MARK1: variants seen among roughly 807,000 people sequenced by gnomAD.
MARK1 encodes serine/threonine-protein kinase MARK1.
Under a neutral mutation model 96.3 loss-of-function variants are expected in MARK1, and 40 were observed. The ratio of observed to expected loss-of-function variants is 0.42; its 90% CI spans 0.32 to 0.54. The LOEUF is 0.54. Ranked by LOEUF, MARK1 falls within the 20% of genes least tolerant of loss-of-function variation. The pLI is 0.16. For synonymous variants in MARK1, 317 were observed against 341.2 expected (o/e 0.93, Z 0.78); for missense variants, 719 against 984.6 (o/e 0.73, Z 3.61).
Position 220,635,878 on chromosome 1 carries a change from A to T in MARK1, c.1322A>T (p.Gln441Leu), listed in dbSNP as rs1189002164. 4.3e-6 allele frequency: 7 copies of T among 1,612,728 alleles called. No homozygotes were observed. In the East Asian group the frequency reaches 1.3e-4, roughly 31 times the overall value. ...GCTGTATCATATACCAAAAGACCTCAGGCTAACAGTGTGGAAAGTGAACAG... is the reference window on the plus strand; with the variant it reads ...GCTGTATCATATACCAAAAGACCTCTGGCTAACAGTGTGGAAAGTGAACAG... The part of the protein sequence containing the change: ...PPAVSYTKRP[Q>L]ANSVESEQKE... The change falls in exon 13 of 18, where the codon CAG (glutamine) becomes CTG (leucine). Residue 441 changes from glutamine to leucine, a missense_variant. Physicochemically the swap from Gln to Leu is moderately radical, Grantham distance 113. This residue lies in a region of MARK1 where 501 missense variants were observed against 588.3 expected (regional missense o/e 0.85). Transcript: ENST00000366917.
At chr1:220,587,544 A>G (rs1452329563) in intron 3 of MARK1, among the ~76,000 whole-genome samples, 1 of 151,736 alleles carries the variant, frequency 6.6e-6, no homozygotes, top group Non-Finnish European at 1.5e-5. Flanking sequence ...AATTTTTTGT[A>G]TTTTTAGTAG....
At chr1:220,627,227 C>A in intron 9 of MARK1, 1 of 484,904 alleles carries the variant, frequency 2.1e-6, no homozygotes, top group Non-Finnish European at 4.2e-6. Context: ...TCGATCTGTT[C>A]CTCTGACAAA....
At chr1:220,614,510 A>G (rs1666630607) in intron 6 of MARK1, among the ~76,000 whole-genome samples, 1 of 151,882 alleles carries the variant, frequency 6.6e-6, no homozygotes, top group African/African-American at 2.4e-5. Context: ...ACCTTGTATT[A>G]TAGGGGAATA....
In MARK1 at chr1:220,563,686, T is replaced by C. The variant is rs185168530; in HGVS notation, c.52-15668T>C. Among the ~76,000 whole-genome samples, 220 of 152,214 alleles carry C rather than the reference T, an allele frequency of 1.4e-3. 2 individuals carry two copies. Among genetic ancestry groups the C allele is most frequent in the African/African-American group, 5.0e-3 (208 of 41,548 alleles). On this transcript the variant is annotated intron_variant, in intron 1 of 17. Coordinates refer to ENST00000366917, the MANE Select transcript of MARK1 (RefSeq NM_018650.5). Reference sequence around the variant, plus strand: ...TAGCCCTTTGAAGAAGATATTATCATTCATTTTCCTACTTGTGGTAACCTA... The same window carrying C: ...TAGCCCTTTGAAGAAGATATTATCACTCATTTTCCTACTTGTGGTAACCTA...
chr1:220,590,221 A>T (rs1664897327), intron 3 of MARK1, among the ~76,000 whole-genome samples: 1 of 152,164 alleles, frequency 6.6e-6, no homozygotes, highest in Non-Finnish European at 1.5e-5. Flanking sequence ...TATCTTAGAC[A>T]TTTGCTTAAG....
chr1:220,636,001 G>A lies in MARK1; in HGVS notation c.1445G>A (p.Arg482Lys). 6.2e-7 allele frequency: 1 copy of A among 1,608,712 alleles called. No homozygotes were observed. Among genetic ancestry groups the A allele is most frequent in the Non-Finnish European group, 8.5e-7 (1 of 1,178,202 alleles). ...GCAAGCCCTCTTGTAGGGCCAGAGA[G>A]GAAAAAATCTTCAACTATTCCAAGT... is the stretch of plus-strand genomic sequence containing the variant. ...MTASPLVGPERKKSSTIPSNN... is the reference protein window; with the variant it reads ...MTASPLVGPEKKKSSTIPSNN... The change falls in exon 13 of 18, where the codon AGG becomes AAG. Residue 482 changes from arginine to lysine, a missense_variant. This residue lies in a region of MARK1 where 501 missense variants were observed against 588.3 expected (regional missense o/e 0.85). Transcript: ENST00000366917.
Position 220,528,740 on chromosome 1 carries a change from C to T in MARK1, c.-83C>T. On this transcript the variant is annotated 5_prime_UTR_variant, in exon 1 of 18. Coordinates refer to ENST00000366917, the MANE Select transcript of MARK1 (RefSeq NM_018650.5). The stretch of plus-strand genomic sequence containing the variant: ...CTCGCCCCGGCCTTGTGCTCGCGTC[C>T]GCACCCCTTTCCTGTCGCCCCCCGG... 2.2e-6 allele frequency: 3 copies of T among 1,342,004 alleles called. No individual in the cohort carries two copies. The highest frequency in any genetic ancestry group is 3.1e-6 in the Non-Finnish European group (3 of 980,266). The allele number at this position is 1,342,004 out of a possible 1,614,324, so 83.1% of individuals were successfully genotyped here. A position where few individuals can be genotyped will look rare whatever the true frequency, so the allele number is the denominator to read the frequency against.
At chr1:220,561,457 A>G (rs535179989) in intron 1 of MARK1, among the ~76,000 whole-genome samples, 23 of 152,286 alleles carry the variant, frequency 1.5e-4, no homozygotes, top group African/African-American at 5.3e-4. Flanking sequence ...TGACCCAAGG[A>G]AGCCAAAAGA....
intron 1 of MARK1, among the ~76,000 whole-genome samples, chr1:220,545,523 G>C (rs925178526): frequency 1.4e-5 from 2 of 145,704 alleles, no homozygotes; most frequent in African/African-American, 2.6e-5. Flanking sequence ...TGCAGTCTTG[G>C]CCTTCCGGGT....
intron 1 of MARK1, among the ~76,000 whole-genome samples, chr1:220,569,129 A>G (rs1464796435): frequency 2.0e-5 from 3 of 152,180 alleles, no homozygotes; most frequent in Non-Finnish European, 2.9e-5. Context: ...GCTTTAATTT[A>G]TATTTCACTT....
intron 1 of MARK1, among the ~76,000 whole-genome samples, chr1:220,532,111 A>G (rs1173715442): frequency 2.0e-5 from 3 of 151,916 alleles, no homozygotes; most frequent in Non-Finnish European, 4.4e-5. Flanking sequence ...TATGAAGAAA[A>G]CTCTTTTGAC....
intron 1 of MARK1, among the ~76,000 whole-genome samples, chr1:220,578,418 T>C (rs984195429): frequency 2.0e-5 from 3 of 152,174 alleles, no homozygotes; most frequent in African/African-American, 7.2e-5. Context: ...CGTGAGACCA[T>C]GAGACAAAGT....
intron 7 of MARK1, among the ~76,000 whole-genome samples, chr1:220,617,166 T>A (rs1405612009): frequency 6.6e-6 from 1 of 152,162 alleles, no homozygotes; most frequent in Non-Finnish European, 1.5e-5. Flanking sequence ...AATGTGACAA[T>A]CTAATATAAA....
intron 1 of MARK1, among the ~76,000 whole-genome samples, chr1:220,529,686 C>G (rs572981677): frequency 6.6e-6 from 1 of 152,292 alleles, no homozygotes; most frequent in East Asian, 1.9e-4. Flanking sequence ...CCCTCTGGAG[C>G]TGTTATCAAG....
rs911221772 is a variant in MARK1 at position 220,663,008 on chromosome 1, G to A, written c.*842G>A. The stretch of plus-strand genomic sequence containing the variant: ...ACATAAACTGTCACGTAGGTTTGCT[G>A]CCTTCAGAATACCGCAATTTAATTG... On this transcript the variant is annotated 3_prime_UTR_variant, in exon 18 of 18. Coordinates refer to ENST00000366917, the MANE Select transcript of MARK1 (RefSeq NM_018650.5). 6.6e-6 allele frequency: 1 copy of A among 152,614 alleles called. No homozygotes were observed. Among genetic ancestry groups the A allele is most frequent in the Non-Finnish European group, 1.5e-5 (1 of 68,030 alleles). 9.5% of individuals were successfully genotyped at this position (152,614 alleles called of 1,614,324 possible).
intron 9 of MARK1, chr1:220,627,526 TTCTC>T (rs887795259): frequency 5.3e-6 from 2 of 376,748 alleles, no homozygotes; most frequent in African/African-American, 4.3e-5. Flanking sequence ...TGCTTTCTAT[TTCTC>T]TGTGTATTTA....
chr1:220,563,552 T>C (rs1662827915), intron 1 of MARK1, among the ~76,000 whole-genome samples: 1 of 152,162 alleles, frequency 6.6e-6, no homozygotes, highest in South Asian at 2.1e-4. Flanking sequence ...TAGTAAGTTA[T>C]GTGAAGAAAA....
At chr1:220,623,985 C>T (rs1349871331) in intron 9 of MARK1, among the ~76,000 whole-genome samples, 1 of 152,178 alleles carries the variant, frequency 6.6e-6, no homozygotes, top group Non-Finnish European at 1.5e-5. Flanking sequence ...CTGCTAATAA[C>T]ACAACTTTAA....
intron 1 of MARK1, among the ~76,000 whole-genome samples, chr1:220,572,298 A>G (rs962153821): frequency 6.6e-6 from 1 of 151,972 alleles, no homozygotes; most frequent in Non-Finnish European, 1.5e-5. Flanking sequence ...CTGGAGTACA[A>G]TGGTGCGATC....
Sources: gnomAD v4.1 joint callset for allele counts (sites outside exome capture counted in the v4.1 genomes callset) on GRCh38, gnomAD v4.1.1 for gene constraint, gnomAD v4.1.1 regional missense constraint, MANE v1.5 for transcripts, NCBI Gene and HGNC (gene_info 2026-07-23, HGNC 2026-07-21) for gene names.